Variants in ZNF678 observed in about 807,000 individuals in gnomAD.
ZNF678 encodes hypothetical protein MGC42493.
ZNF678 carries 5 observed loss-of-function variants against 3.0 expected under a neutral mutation model. The observed-to-expected ratio is 1.69, with a 90% CI of 0.88 to 3.56. The LOEUF is 3.56. Ranked by LOEUF, ZNF678 falls within the 30% of genes most tolerant of loss-of-function variation. The pLI is 0.00. For missense variants in ZNF678, 593 were observed against 605.0 expected, an observed-to-expected ratio of 0.98 and a Z score of 0.21; for synonymous variants, 218 against 199.6, an observed-to-expected ratio of 1.09 and a Z score of -0.78.
At chr1:227,621,924 C>T (rs764488956) in intron 1 of ZNF678, among the ~76,000 whole-genome samples, 27 of 152,182 alleles carry the variant, frequency 1.8e-4, no homozygotes, top group Admixed American at 5.9e-4. Context: ...AGCAATAGCA[C>T]GTCCAATTCT....
At chr1:227,589,694 A>G (rs973640685) in intron 1 of ZNF678, among the ~76,000 whole-genome samples, 1 of 151,740 alleles carries the variant, frequency 6.6e-6, no homozygotes, top group Non-Finnish European at 1.5e-5. Flanking sequence ...AGAACGAAAC[A>G]TAACAGGACA....
chr1:227,622,064 A>G (rs750477850), intron 1 of ZNF678, among the ~76,000 whole-genome samples: 1 of 152,222 alleles, frequency 6.6e-6, no homozygotes, highest in Non-Finnish European at 1.5e-5. Context: ...TGTGGAAGAA[A>G]TTTGCATTCT....
intron 1 of ZNF678, among the ~76,000 whole-genome samples, chr1:227,592,195 G>A (rs1048315343): frequency 2.6e-5 from 4 of 152,222 alleles, no homozygotes; most frequent in African/African-American, 7.2e-5. Flanking sequence ...GTGGTTATGC[G>A]GGGATTTTCA....
At chr1:227,591,720 T>C (rs1657418655) in intron 1 of ZNF678, among the ~76,000 whole-genome samples, 1 of 152,188 alleles carries the variant, frequency 6.6e-6, no homozygotes, top group African/African-American at 2.4e-5. Flanking sequence ...ATACCTTGTA[T>C]AGAATAACAT....
At chr1:227,615,344 GC>G (rs1658117320) in intron 1 of ZNF678, among the ~76,000 whole-genome samples, 1 of 152,142 alleles carries the variant, frequency 6.6e-6, no homozygotes, top group South Asian at 2.1e-4. Flanking sequence ...TGTTCCTACA[GC>G]CTACGCCTTT....
chr1:227,580,373 C>T (rs936955929), intron 1 of ZNF678, among the ~76,000 whole-genome samples: 1 of 152,048 alleles, frequency 6.6e-6, no homozygotes, highest in Non-Finnish European at 1.5e-5. Flanking sequence ...CATACTTTCA[C>T]CTTTAATACT....
chr1:227,573,123 AGG>A (rs1267411483), intron 1 of ZNF678, among the ~76,000 whole-genome samples: 1 of 141,026 alleles, frequency 7.1e-6, no homozygotes, highest in Non-Finnish European at 1.6e-5. Context: ...GAAGGCAATC[AGG>A]GAGTGGAAAC....
intron 1 of ZNF678, among the ~76,000 whole-genome samples, chr1:227,575,263 T>C (rs1258195656): frequency 2.0e-5 from 3 of 152,232 alleles, no homozygotes; most frequent in African/African-American, 7.2e-5. Context: ...AAAATAGTTT[T>C]CTCTAGTTCT....
intron 1 of ZNF678, among the ~76,000 whole-genome samples, chr1:227,615,393 T>G (rs946812637): frequency 1.3e-5 from 2 of 152,196 alleles, no homozygotes; most frequent in Non-Finnish European, 2.9e-5. Flanking sequence ...TTGGCAGCCA[T>G]TTGGATGGAC....
At chr1:227,588,667 C>A (rs1657327700) in intron 1 of ZNF678, among the ~76,000 whole-genome samples, 1 of 151,830 alleles carries the variant, frequency 6.6e-6, no homozygotes, top group African/African-American at 2.4e-5. Flanking sequence ...CCATGCCCAG[C>A]TATTTTTTTC....
At chr1:227,636,427 G>T (rs1658681156) in intron 1 of ZNF678, among the ~76,000 whole-genome samples, 2 of 152,158 alleles carry the variant, frequency 1.3e-5, no homozygotes, top group Non-Finnish European at 2.9e-5. Context: ...CACGCATTTG[G>T]TTTTGTTGCG....
chr1:227,654,352 C>A lies in ZNF678; in HGVS notation c.102C>A (p.Ser34=), dbSNP rs776906880. 6.5e-7 allele frequency: 1 copy of A among 1,537,640 alleles called. No individual in the cohort carries two copies. The highest frequency in any genetic ancestry group is 2.3e-5 in the East Asian group (1 of 43,868). The stretch of plus-strand genomic sequence containing the variant: ...TTCTTTCAGCTATTTTATCTTATTC[C>A]ATTCAAGACCTTTTGCCAGAGCAGG... The part of the protein sequence containing the change: ...KLVYTAILSY[S]IQDLLPEQDM... The change falls in exon 4 of 4, where the codon TCC becomes TCA. Residue 34 remains serine, a synonymous_variant. Coordinates refer to ENST00000343776, the MANE Select transcript of ZNF678 (RefSeq NM_001367909.1).
At chr1:227,639,044 G>C (rs566608700) in intron 1 of ZNF678, among the ~76,000 whole-genome samples, 1 of 152,336 alleles carries the variant, frequency 6.6e-6, no homozygotes, top group South Asian at 2.1e-4. Context: ...AGGCCAATGA[G>C]ATCCAAGTAT....
chr1:227,598,876 C>CT (rs1014553651), intron 1 of ZNF678: 17 of 655,402 alleles, frequency 2.6e-5, no homozygotes, highest in African/African-American at 2.0e-4. Flanking sequence ...TTATTCTTTT[C>CT]TTTTTTTGTT....
rs1659258774 is a variant in ZNF678, at chr1:227,656,714, A to G, written c.*886A>G. ...TATTTTGCATTATAGTAATAGGGAA[A>G]CATTTTGAATTTCAGTAGTAAATTG... On this transcript the variant is annotated 3_prime_UTR_variant, in exon 4 of 4. Coordinates refer to ENST00000343776, the MANE Select transcript of ZNF678 (RefSeq NM_001367909.1). The G allele has an allele frequency of 6.6e-6, 1 of 151,996 alleles. No individual in the cohort carries two copies. The highest frequency in any genetic ancestry group is 1.5e-5 in the Non-Finnish European group (1 of 67,904). 9.4% of individuals were successfully genotyped at this position (151,996 alleles called of 1,614,324 possible).
chr1:227,652,084 G>A (rs1239276140), intron 3 of ZNF678, among the ~76,000 whole-genome samples: 3 of 152,094 alleles, frequency 2.0e-5, no homozygotes, highest in Non-Finnish European at 4.4e-5. Flanking sequence ...GGGAAGGTAT[G>A]TTCTTAGTAA....
chr1:227,604,894 C>A (rs748025307), intron 1 of ZNF678, among the ~76,000 whole-genome samples: 1 of 151,656 alleles, frequency 6.6e-6, no homozygotes, highest in East Asian at 1.9e-4. Flanking sequence ...TTCGTTTTGT[C>A]GCCCAGGCTG....
rs780216285 is a variant in ZNF678 at position 227,655,572 on chromosome 1, C to T, written c.1322C>T (p.Ala441Val). 4 of 1,612,104 alleles carry T rather than the reference C, an allele frequency of 2.5e-6. No individual in the cohort carries two copies. Among genetic ancestry groups the T allele is most frequent in the South Asian group, 2.2e-5 (2 of 91,030 alleles). Residue 441 changes from alanine (A) to valine (V), a missense_variant, in exon 4 of 4, where the codon GCT (alanine) becomes GTT (valine). Transcript: ENST00000343776. Reference protein sequence around the residue: ...KPYKCKECGKAFYQSSILSKH... With the variant: ...KPYKCKECGKVFYQSSILSKH... Reference sequence around the variant, plus strand: ...TACAAATGTAAAGAATGTGGCAAAGCTTTTTACCAATCCTCAATCCTTAGT... The same window carrying T: ...TACAAATGTAAAGAATGTGGCAAAGTTTTTTACCAATCCTCAATCCTTAGT...
intron 5 of ZNF678, among the ~76,000 whole-genome samples, chr1:227,667,701 G>A (rs1355830732): frequency 6.6e-6 from 1 of 152,202 alleles, no homozygotes; most frequent in Non-Finnish European, 1.5e-5. Context: ...ATAACTTGCA[G>A]CAGAAAATAT....
Sources: gnomAD v4.1 joint callset for allele counts (sites outside exome capture counted in the v4.1 genomes callset) on GRCh38, gnomAD v4.1.1 for gene constraint, MANE v1.5 for transcripts, NCBI Gene and HGNC (gene_info 2026-07-23, HGNC 2026-07-21) for gene names.